The following KHDRBS2 variants were observed in gnomAD, a reference collection of about 807,000 sequenced individuals.
The protein encoded by KHDRBS2 is KH domain-containing, RNA-binding, signal transduction-associated protein 2.
Under a neutral mutation model 44.3 loss-of-function variants are expected in KHDRBS2, and 26 were observed. The observed-to-expected ratio is 0.59, with a 90% CI of 0.43 to 0.81. The LOEUF (loss-of-function observed/expected upper bound fraction) is 0.81, where lower values mean the gene tolerates loss of function less well. Among genes scored for constraint, KHDRBS2 ranks in the 40% least tolerant of loss-of-function variants. The probability of loss-of-function intolerance (pLI) is 0.00; values close to 1 mark genes in which losing one functional copy is unlikely to be tolerated. For synonymous variants in KHDRBS2, 194 were observed against 151.1 expected, an observed-to-expected ratio of 1.28 and a Z score of -2.08; for missense variants, 476 against 433.1, an observed-to-expected ratio of 1.10 and a Z score of -0.88.
At chr6:62,025,688 G>A (rs1783179579) in intron 3 of KHDRBS2, among the ~76,000 whole-genome samples, 1 of 151,734 alleles carries the variant, frequency 6.6e-6, no homozygotes, top group Admixed American at 6.6e-5. Flanking sequence ...CACGCACTGT[G>A]GTTGGTTTAT....
Position 62,035,163 on chromosome 6 carries a change from C to G in KHDRBS2, c.336+12715G>C, listed in dbSNP as rs542833794. Among the ~76,000 whole-genome samples, 22 of 152,046 alleles carry G rather than the reference C, an allele frequency of 1.4e-4. No homozygotes were observed. In the South Asian group the frequency reaches 3.9e-3, roughly 27 times the overall value. On this transcript the variant is annotated intron_variant, in intron 3 of 8. Coordinates refer to ENST00000281156, the MANE Select transcript of KHDRBS2 (RefSeq NM_152688.4). ...GGTACATACCCTAACAAAAAGGAAT[C>G]AGTATATCAAAGACATATCTGCACT...
rs188499364 is a variant in KHDRBS2 at position 62,035,509 on chromosome 6, C to G, written c.336+12369G>C. Among the ~76,000 whole-genome samples the G allele has an allele frequency of 6.6e-5, 10 of 151,896 alleles. No homozygotes were observed. In the East Asian group the frequency reaches 1.9e-3, roughly 30 times the overall value. On this transcript the variant is annotated intron_variant, in intron 3 of 8. Coordinates refer to ENST00000281156, the MANE Select transcript of KHDRBS2 (RefSeq NM_152688.4). ...TCAGAAGCTGGGAAGGGGTTAGTGG[C>G]TGTGGGGAAAGGTAGGCATGGTTAA...
At chr6:62,072,159 T>C (rs1206862690) in intron 2 of KHDRBS2, among the ~76,000 whole-genome samples, 1 of 152,192 alleles carries the variant, frequency 6.6e-6, no homozygotes, top group African/African-American at 2.4e-5. Flanking sequence ...TATTGGTGTA[T>C]AAGAGTGCTT....
chr6:61,596,800 T>C, the KHDRBS2 span, among the ~76,000 whole-genome samples: 2 of 152,068 alleles, frequency 1.3e-5, no homozygotes, highest in Non-Finnish European at 2.9e-5. Context: ...TACAGGTGCA[T>C]GCCACCACGC....
intron 7 of KHDRBS2, among the ~76,000 whole-genome samples, chr6:61,710,134 G>A (rs1367960267): frequency 6.6e-6 from 1 of 151,522 alleles, no homozygotes; most frequent in African/African-American, 2.4e-5. Context: ...CAGAGTCTGG[G>A]GAAAGAATAT....
the KHDRBS2 span, among the ~76,000 whole-genome samples, chr6:61,598,890 G>A: frequency 1.0e-4 from 14 of 138,448 alleles, no homozygotes; most frequent in Admixed American, 1.6e-4. Context: ...AGGCAGTTGA[G>A]CATTGAGTGT....
At chr6:62,199,741 G>C (rs1229536500) in intron 1 of KHDRBS2, among the ~76,000 whole-genome samples, 1 of 152,040 alleles carries the variant, frequency 6.6e-6, no homozygotes, top group Non-Finnish European at 1.5e-5. Context: ...CTACTTTAAA[G>C]TTCACATGGA....
intron 2 of KHDRBS2, among the ~76,000 whole-genome samples, chr6:62,066,009 T>A (rs756640824): frequency 6.6e-6 from 1 of 151,672 alleles, no homozygotes; most frequent in East Asian, 2.0e-4. Flanking sequence ...GTTTTAAATG[T>A]TTTTCATCCT....
At chr6:62,223,366 T>C (rs1434074189) in intron 1 of KHDRBS2, among the ~76,000 whole-genome samples, 5 of 152,092 alleles carry the variant, frequency 3.3e-5, no homozygotes, top group African/African-American at 9.7e-5. Flanking sequence ...TGCACACAGG[T>C]TGGGGACCCT....
intron 6 of KHDRBS2, among the ~76,000 whole-genome samples, chr6:61,808,209 T>C (rs569894013): frequency 1.1e-4 from 16 of 152,272 alleles, no homozygotes; most frequent in African/African-American, 3.6e-4. Flanking sequence ...TCTATGAAAC[T>C]GATTAATCTT....
At chr6:62,159,170 T>C (rs1817086496) in intron 2 of KHDRBS2, among the ~76,000 whole-genome samples, 1 of 152,146 alleles carries the variant, frequency 6.6e-6, no homozygotes, top group Non-Finnish European at 1.5e-5. Context: ...AATGGATAGT[T>C]AAATAATGAA....
At chr6:62,271,072 A>C (rs1343243641) in intron 1 of KHDRBS2, among the ~76,000 whole-genome samples, 3 of 152,272 alleles carry the variant, frequency 2.0e-5, no homozygotes, top group Admixed American at 1.3e-4. Flanking sequence ...TACACACACA[A>C]ATTATAATAA....
At chr6:61,953,727 T>C (rs1230765224) in intron 4 of KHDRBS2, among the ~76,000 whole-genome samples, 1 of 152,110 alleles carries the variant, frequency 6.6e-6, no homozygotes, top group Non-Finnish European at 1.5e-5. Context: ...TCAAAACAAT[T>C]TGCTGACACT....
At position 61,687,195 on chromosome 6, in the gene KHDRBS2, G is replaced by C. The variant is rs1766910489; in HGVS notation, c.953-6135C>G. On this transcript the variant is annotated intron_variant, in intron 8 of 8. Transcript: ENST00000281156. ...TTCACAGATGAACATGGTGCATTATGTTCCAAGAAAAAGGGTTGCTAACTT... is the reference window on the plus strand; with the variant it reads ...TTCACAGATGAACATGGTGCATTATCTTCCAAGAAAAAGGGTTGCTAACTT... Among the ~76,000 whole-genome samples, 4 of 151,726 alleles carry C rather than the reference G, an allele frequency of 2.6e-5. No individual in the cohort carries two copies. In the South Asian group the frequency reaches 8.3e-4, roughly 31 times the overall value.
At chr6:62,255,011 T>C (rs1837135421) in intron 1 of KHDRBS2, among the ~76,000 whole-genome samples, 1 of 152,204 alleles carries the variant, frequency 6.6e-6, no homozygotes, top group South Asian at 2.1e-4. Context: ...TTCTTAAATA[T>C]GTGCTGTGAG....
chr6:61,857,140 G>A (rs1019614592), intron 6 of KHDRBS2, among the ~76,000 whole-genome samples: 35 of 151,920 alleles, frequency 2.3e-4, no homozygotes, highest in African/African-American at 7.0e-4. Context: ...TAGCCTTCAC[G>A]GAGGTCCTTT....
chr6:61,633,284 G>C, the KHDRBS2 span, among the ~76,000 whole-genome samples: 1 of 152,022 alleles, frequency 6.6e-6, no homozygotes, highest in Non-Finnish European at 1.5e-5. Context: ...AATGTGGAGG[G>C]CTTCAAAAGA....
intron 1 of KHDRBS2, among the ~76,000 whole-genome samples, chr6:62,198,561 C>T (rs1401571440): frequency 1.3e-5 from 2 of 152,092 alleles, no homozygotes; most frequent in African/African-American, 2.4e-5. Flanking sequence ...CTTGAATAGA[C>T]CAATAAAGGC....
chr6:61,980,940 A>G (rs1254651377), intron 3 of KHDRBS2, among the ~76,000 whole-genome samples: 2 of 152,194 alleles, frequency 1.3e-5, no homozygotes, highest in East Asian at 1.9e-4. Flanking sequence ...TTTCAATGCT[A>G]AAACCTCACG....
Sources: allele counts gnomAD v4.1 joint callset (sites outside exome capture counted in the v4.1 genomes callset), GRCh38; gene constraint gnomAD v4.1.1; transcripts MANE v1.5; gene names NCBI Gene and HGNC (gene_info 2026-07-23, HGNC 2026-07-21).